WWOX: variants seen among roughly 807,000 people sequenced by gnomAD.
WWOX encodes the protein WW domain containing oxidoreductase, also known as WW domain-containing oxidoreductase.
WWOX carries 69 observed loss-of-function variants against 46.2 expected under a neutral mutation model. That is an observed-to-expected ratio of 1.49 (90% CI 1.23 to 1.82). The LOEUF (loss-of-function observed/expected upper bound fraction) is 1.82, where lower values mean the gene tolerates loss of function less well. WWOX is among the 40% of genes most tolerant of loss of function. The pLI is 0.00. For synonymous variants in WWOX, 359 were observed against 202.6 expected (o/e 1.77, Z -6.56); for missense variants, 919 against 542.6 (o/e 1.69, Z -6.89).
At chr16:78,872,386 T>G (rs1033651113) in intron 8 of WWOX, among the ~76,000 whole-genome samples, 2 of 152,186 alleles carry the variant, frequency 1.3e-5, no homozygotes, top group African/African-American at 4.8e-5. Context: ...ACTAACGTCA[T>G]TATTATGAAA....
chr16:78,998,354 G>C (rs1410598092), intron 8 of WWOX, among the ~76,000 whole-genome samples: 1 of 152,140 alleles, frequency 6.6e-6, no homozygotes, highest in African/African-American at 2.4e-5. Context: ...AGGGTCTGTG[G>C]GTTTTCACGC....
chr16:78,201,535 CA>C (rs1017241685), intron 5 of WWOX, among the ~76,000 whole-genome samples: 1 of 152,120 alleles, frequency 6.6e-6, no homozygotes, highest in Non-Finnish European at 1.5e-5. Context: ...TTTTCTAAAA[CA>C]ATTTAGTCCC....
intron 6 of WWOX, among the ~76,000 whole-genome samples, chr16:78,396,187 T>G (rs1339674407): frequency 6.6e-6 from 1 of 152,238 alleles, no homozygotes; most frequent in African/African-American, 2.4e-5. Context: ...CTTACAGTAG[T>G]TGTGATGCTT....
chr16:78,646,884 G>T (rs1332777821), intron 8 of WWOX, among the ~76,000 whole-genome samples: 1 of 152,162 alleles, frequency 6.6e-6, no homozygotes, highest in African/African-American at 2.4e-5. Context: ...GGCTGTGTTG[G>T]CTGTGAGTAA....
chr16:78,816,270 C>A (rs771953728), intron 8 of WWOX, among the ~76,000 whole-genome samples: 2 of 152,164 alleles, frequency 1.3e-5, no homozygotes, highest in African/African-American at 4.8e-5. Flanking sequence ...TCTTTTCTAG[C>A]ATTTGAGTTC....
At chr16:78,505,537 T>C (rs761211460) in intron 8 of WWOX, among the ~76,000 whole-genome samples, 49 of 152,310 alleles carry the variant, frequency 3.2e-4, no homozygotes, top group Non-Finnish European at 6.3e-4. Flanking sequence ...ATACCTAGAC[T>C]CTGCTGGGCT....
chr16:78,740,104 A>G (rs1469426947), intron 8 of WWOX, among the ~76,000 whole-genome samples: 2 of 152,008 alleles, frequency 1.3e-5, no homozygotes, highest in Non-Finnish European at 2.9e-5. Context: ...CCTTCTCTGC[A>G]TTCGCCCCAT....
chr16:78,678,034 A>G (rs749783573), intron 8 of WWOX, among the ~76,000 whole-genome samples: 1 of 151,932 alleles, frequency 6.6e-6, no homozygotes, highest in East Asian at 1.9e-4. Context: ...ACCCTGCTTT[A>G]TTTTTCTCCT....
intron 8 of WWOX, among the ~76,000 whole-genome samples, chr16:78,845,934 C>G (rs767929149): frequency 6.6e-6 from 1 of 150,922 alleles, no homozygotes; most frequent in Non-Finnish European, 1.5e-5. Flanking sequence ...AATTGTGCCA[C>G]CAGTTTTTCC....
At chr16:78,547,554 G>C (rs1213360181) in intron 8 of WWOX, among the ~76,000 whole-genome samples, 5 of 152,160 alleles carry the variant, frequency 3.3e-5, no homozygotes, top group Non-Finnish European at 1.5e-5. Flanking sequence ...GCTTTAGTCT[G>C]TCCTGGCTAC....
intron 5 of WWOX, among the ~76,000 whole-genome samples, chr16:78,380,824 G>A (rs1000170466): frequency 5.9e-5 from 9 of 151,982 alleles, no homozygotes; most frequent in Non-Finnish European, 8.8e-5. Flanking sequence ...AAGAAAACAA[G>A]GGAGACCCAC....
rs553331618 is a variant in WWOX at position 78,411,773 on chromosome 16, C to G, written c.606-13097C>G. On this transcript the variant is annotated intron_variant, in intron 6 of 8. Transcript: ENST00000566780. ...TTGCAGTGACTACACCTAAAAGGAACAGAGCTAGAAACATGGAGTGACATG... is the reference window on the plus strand; with the variant it reads ...TTGCAGTGACTACACCTAAAAGGAAGAGAGCTAGAAACATGGAGTGACATG... 3.5e-4 allele frequency among the ~76,000 whole-genome samples: 54 copies of G among 152,262 alleles called. 1 individual carries two copies. The highest frequency in any genetic ancestry group is 2.3e-3 in the Admixed American group (35 of 15,286).
intron 4 of WWOX, among the ~76,000 whole-genome samples, chr16:78,127,632 T>C (rs771635334): frequency 1.4e-4 from 22 of 152,098 alleles, no homozygotes; most frequent in Non-Finnish European, 2.9e-4. Flanking sequence ...AAAACCGTTA[T>C]ACCATGCATC....
chr16:78,949,144 C>T (rs1416286576), intron 8 of WWOX, among the ~76,000 whole-genome samples: 4 of 152,128 alleles, frequency 2.6e-5, no homozygotes, highest in Non-Finnish European at 4.4e-5. Context: ...TGCCAATAAC[C>T]TGAATAGGTT....
intron 8 of WWOX, among the ~76,000 whole-genome samples, chr16:78,673,121 A>G (rs2047506593): frequency 6.6e-6 from 1 of 152,246 alleles, no homozygotes. Flanking sequence ...GTCAACGTGC[A>G]GACATGTCCT....
At chr16:78,351,603 C>G (rs1247991888) in intron 5 of WWOX, among the ~76,000 whole-genome samples, 8 of 152,180 alleles carry the variant, frequency 5.3e-5, no homozygotes, top group Non-Finnish European at 1.2e-4. Flanking sequence ...GGAGCAGATG[C>G]TGGCTCTATA....
At chr16:78,478,968 C>T (rs1481756981) in intron 8 of WWOX, among the ~76,000 whole-genome samples, 1 of 151,858 alleles carries the variant, frequency 6.6e-6, no homozygotes, top group African/African-American at 2.4e-5. Context: ...TTTTGTCATT[C>T]TGTAGAAGTT....
intron 6 of WWOX, among the ~76,000 whole-genome samples, chr16:78,423,382 C>T (rs1233539072): frequency 4.0e-5 from 6 of 151,796 alleles, no homozygotes; most frequent in Non-Finnish European, 5.9e-5. Flanking sequence ...TGTAATAATT[C>T]CTCAATGGTA....
chr16:78,129,913 A>T (rs1436934645), intron 4 of WWOX: 1 of 152,126 alleles, frequency 6.6e-6, no homozygotes, highest in East Asian at 1.9e-4. Context: ...CTCATCTTGA[A>T]CTATAGTTCC....
Sources: gnomAD v4.1 joint callset for allele counts (sites outside exome capture counted in the v4.1 genomes callset) on GRCh38, gnomAD v4.1.1 for gene constraint, MANE v1.5 for transcripts, NCBI Gene and HGNC (gene_info 2026-07-23, HGNC 2026-07-21) for gene names.